The following TERT variants were observed in gnomAD, a reference collection of about 807,000 sequenced individuals.
TERT encodes the protein telomerase catalytic subunit.
TERT carries 42 observed loss-of-function variants against 104.0 expected under a neutral mutation model. The observed-to-expected ratio is 0.40, with a 90% CI of 0.32 to 0.52. The LOEUF (loss-of-function observed/expected upper bound fraction) is 0.52. Among genes scored for constraint, TERT ranks in the 20% least tolerant of loss-of-function variants. The pLI is 0.43. For synonymous variants in TERT, 781 were observed against 725.6 expected (o/e 1.08, Z -1.23); for missense variants, 1,101 against 1,610.3 (o/e 0.68, Z 5.41).
rs1748557182 is a variant in TERT at position 1,265,843 on chromosome 5, G to T, written c.2654+621C>A. On this transcript the variant is annotated intron_variant, in intron 10 of 15. Transcript: ENST00000310581. This position sits in a 1 kb window ranked among gnomAD's most constrained non-coding sequence, Gnocchi z 6.9. ...CCGGCTCTGTGGGGCGCCCTTGAGGGGGACCACATTGGACAATCCCCTGTG... is the reference window on the plus strand; with the variant it reads ...CCGGCTCTGTGGGGCGCCCTTGAGGTGGACCACATTGGACAATCCCCTGTG... 6.6e-6 allele frequency among the ~76,000 whole-genome samples: 1 copy of T among 152,152 alleles called. No homozygotes were observed. The highest frequency in any genetic ancestry group is 1.5e-5 in the Non-Finnish European group (1 of 68,008).
At chr5:1,283,172 C>G (rs1333931177) in intron 2 of TERT, among the ~76,000 whole-genome samples, 1 of 142,820 alleles carries the variant, frequency 7.0e-6, no homozygotes, top group Non-Finnish European at 1.5e-5. Flanking sequence ...GCGACCTCAC[C>G]CCAGACCTGC....
In TERT at chr5:1,272,212, C is replaced by A. The variant is rs545260840; in HGVS notation, c.2355G>T (p.Pro785=). ...QFVAHLQETS[P]LRDAVVIEQS... The stretch of plus-strand genomic sequence containing the variant: ...GCTCGATGACGACGGCATCCCTCAG[C>A]GGGCTGGTCTCCTGCAGGTGAGCCA... Residue 785 remains proline (P), a synonymous_variant, in exon 7 of 16, where the codon CCG becomes CCT. Transcript: ENST00000310581. 2.5e-6 allele frequency: 4 copies of A among 1,612,714 alleles called. No individual in the cohort carries two copies. The highest frequency in any genetic ancestry group is 4.5e-5 in the East Asian group (2 of 44,868).
rs552362599 is a variant in TERT at position 1,280,966 on chromosome 5, G to A, written c.1770-628C>T. ...GGCACTCCGTGGACACTGGGGCCGC[G>A]GGTGCTCCGGAGCTGGTGCCCTGAC... On this transcript the variant is annotated intron_variant, in intron 3 of 15. Transcript: ENST00000310581. 1.8e-3 allele frequency among the ~76,000 whole-genome samples: 274 copies of A among 152,326 alleles called. 1 individual carries two copies. The highest frequency in any genetic ancestry group is 0.017 in the Middle Eastern group (5 of 294).
chr5:1,259,494 A>G (rs1360098793), intron 12 of TERT, among the ~76,000 whole-genome samples: 2 of 118,544 alleles, frequency 1.7e-5, no homozygotes, highest in African/African-American at 3.3e-5. Flanking sequence ...GGACGCCCAC[A>G]GGAGGGGGGA....
At chr5:1,278,872 C>A in intron 5 of TERT, 76 bp from the exon 6 acceptor site, 4 of 1,591,470 alleles carry the variant, frequency 2.5e-6, no homozygotes, top group Non-Finnish European at 3.4e-6. Flanking sequence ...CAGGGCCTGG[C>A]CTGGCGGTGT....
Position 1,256,969 on chromosome 5 carries a change from C to T in TERT, c.3033-1558G>A, listed in dbSNP as rs367901823. ...AGCGCCACGTGGACCACCACAGCCT[C>T]GCCCACTGCAGCCTGGCTGCCGTGA... On this transcript the variant is annotated intron_variant, in intron 13 of 15. Transcript: ENST00000310581. This position sits in a 1 kb window ranked among gnomAD's most constrained non-coding sequence, Gnocchi z 7.0. Among the ~76,000 whole-genome samples, 101 of 152,294 alleles carry T rather than the reference C, an allele frequency of 6.6e-4. No homozygotes were observed. The highest frequency in any genetic ancestry group is 2.3e-3 in the African/African-American group (96 of 41,580).
chr5:1,276,254 A>G (rs1191705141), intron 6 of TERT, among the ~76,000 whole-genome samples: 1 of 142,386 alleles, frequency 7.0e-6, no homozygotes, highest in Non-Finnish European at 1.5e-5. Flanking sequence ...ATGAAAACCA[A>G]TTCACAGATC....
At position 1,294,352 on chromosome 5, in the gene TERT, G is replaced by A. The variant is rs370420108; in HGVS notation, c.534C>T (p.Leu178=). The A allele has an allele frequency of 2.5e-4, 388 of 1,577,674 alleles. No homozygotes were observed. In the African/African-American group the frequency reaches 3.9e-3, roughly 16 times the overall value. The change falls in exon 2 of 16, where the codon CTC becomes CTT. Residue 178 remains leucine (L), a synonymous_variant. Coordinates refer to ENST00000310581, the MANE Select transcript of TERT (RefSeq NM_198253.3). The part of the protein sequence containing the change: ...YQVCGPPLYQ[L]GAATQARPPP... ...GGGGCCGGGCCTGAGTGGCAGCGCC[G>A]AGCTGGTACAGCGGCGGCCCGCACA...
At chr5:1,267,724 T>C (rs1748715033) in intron 9 of TERT, among the ~76,000 whole-genome samples, 1 of 152,046 alleles carries the variant, frequency 6.6e-6, no homozygotes, top group African/African-American at 2.4e-5. Context: ...CTGAGCAAAC[T>C]ATTGCAAGGA....
At position 1,287,370 on chromosome 5, in the gene TERT, C is replaced by T. The variant is rs1373516642; in HGVS notation, c.1574-4746G>A. Among the ~76,000 whole-genome samples the T allele has an allele frequency of 2.0e-5, 3 of 151,682 alleles. No individual in the cohort carries two copies. Among genetic ancestry groups the T allele is most frequent in the African/African-American group, 4.8e-5 (2 of 41,258 alleles). ...TAAAAATTAGCCAGGTGTAGCGGTG[C>T]GTGTCTGCAGTTCCAGCTATTCAGG... On this transcript the variant is annotated intron_variant, in intron 2 of 15. Coordinates refer to ENST00000310581, the MANE Select transcript of TERT (RefSeq NM_198253.3). The surrounding 1 kb of genome is among the most constrained non-coding windows in gnomAD (Gnocchi z 4.3).
chr5:1,290,300 A>G (rs1191471276), intron 2 of TERT, among the ~76,000 whole-genome samples: 2 of 47,928 alleles, frequency 4.2e-5, no homozygotes, highest in Non-Finnish European at 7.2e-5. Context: ...ACACCCGGGG[A>G]CGGCGCCTCA....
At chr5:1,291,436 A>G (rs376345624) in intron 2 of TERT, among the ~76,000 whole-genome samples, 13 of 9,628 alleles carry the variant, frequency 1.4e-3, no homozygotes, top group African/African-American at 3.0e-3. Context: ...CCCGGGGACC[A>G]CGCCTCACTC....
At position 1,293,546 on chromosome 5, in the gene TERT, C is replaced by G; in HGVS notation, c.1340G>C (p.Arg447Pro). 6.5e-7 allele frequency: 1 copy of G among 1,549,742 alleles called. No homozygotes were observed. Among genetic ancestry groups the G allele is most frequent in the Non-Finnish European group, 8.7e-7 (1 of 1,145,998 alleles). ...APEEEDTDPR[R>P]LVQLLRQHSS... is the part of the protein sequence containing the mutation. ...GTGCTGGCGGAGCAGCTGCACCAGGCGACGGGGGTCTGTGTCCTCCTCCTC... is the reference window on the plus strand; with the variant it reads ...GTGCTGGCGGAGCAGCTGCACCAGGGGACGGGGGTCTGTGTCCTCCTCCTC... The change falls in exon 2 of 16, where the codon CGC (arginine) becomes CCC (proline). Residue 447 changes from arginine to proline, a missense_variant. By Grantham distance (103) the Arg-to-Pro change is moderately radical. Coordinates refer to ENST00000310581, the MANE Select transcript of TERT (RefSeq NM_198253.3).
At position 1,266,557 on chromosome 5, in the gene TERT, A is replaced by C. The variant is rs1322673389; in HGVS notation, c.2583-22T>G. The C allele has an allele frequency of 1.9e-6, 3 of 1,587,710 alleles. No homozygotes were observed. In the East Asian group the frequency reaches 6.8e-5, roughly 36 times the overall value. On this transcript the variant is annotated intron_variant, in intron 9 of 15. Transcript: ENST00000310581. ...CAGCCTAAAATAAGGGAAAATACAC[A>C]GCAAGGTTAACTTTACACTTTTTAC...
chr5:1,285,698 T>C (rs575745929), intron 2 of TERT, among the ~76,000 whole-genome samples: 1 of 149,304 alleles, frequency 6.7e-6, no homozygotes, highest in South Asian at 2.1e-4. Flanking sequence ...GCCTCCCGAG[T>C]AGCTGGGATT....
intron 2 of TERT, among the ~76,000 whole-genome samples, chr5:1,283,427 C>G (rs1750201261): frequency 1.4e-5 from 2 of 145,740 alleles, no homozygotes; most frequent in African/African-American, 2.6e-5. Context: ...CGGACCTGCA[C>G]CATCCAGACA....
chr5:1,277,424 A>G (rs1476639632), intron 6 of TERT, among the ~76,000 whole-genome samples: 1 of 152,180 alleles, frequency 6.6e-6, no homozygotes, highest in Admixed American at 6.5e-5. Flanking sequence ...CGAGTTCCAC[A>G]ACGGATGCCA....
Position 1,293,338 on chromosome 5 carries a change from G to A in TERT, c.1548C>T (p.Asp516=), listed in dbSNP as rs1418447738. Reference sequence around the variant, plus strand: ...CTGGGCTCCTGCGCAGCCAAGCGCAGTCCCGCACGCTCATCTTCCACGTCA... The same window carrying A: ...CTGGGCTCCTGCGCAGCCAAGCGCAATCCCGCACGCTCATCTTCCACGTCA... ...QELTWKMSVR[D]CAWLRRSPGV... The change falls in exon 2 of 16, where the codon GAC becomes GAT. Residue 516 remains aspartate, a synonymous_variant. Transcript: ENST00000310581. 1 of 1,613,244 alleles carries A rather than the reference G, an allele frequency of 6.2e-7. No homozygotes were observed. Among genetic ancestry groups the A allele is most frequent in the South Asian group, 1.1e-5 (1 of 91,084 alleles).
At position 1,270,238 on chromosome 5, in the gene TERT, T is replaced by C. The variant is rs955495917; in HGVS notation, c.2468+881A>G. Among the ~76,000 whole-genome samples the C allele has an allele frequency of 5.3e-5, 8 of 152,366 alleles. No homozygotes were observed. The highest frequency in any genetic ancestry group is 1.2e-4 in the Non-Finnish European group (8 of 68,032). ...TATAATTGCTGATACCATTAGTGAT[T>C]ACTTATAATGCAATAATTAATAGTT... On this transcript the variant is annotated intron_variant, in intron 8 of 15. Transcript: ENST00000310581. This position sits in a 1 kb window ranked among gnomAD's most constrained non-coding sequence, Gnocchi z 8.3.
Sources: gnomAD v4.1 joint callset for allele counts (sites outside exome capture counted in the v4.1 genomes callset) on GRCh38, gnomAD v4.1.1 for gene constraint, Gnocchi (gnomAD v3.1) non-coding constraint, MANE v1.5 for transcripts, NCBI Gene and HGNC (gene_info 2026-07-23, HGNC 2026-07-21) for gene names.